Variants in RPS6KA2 observed in about 807,000 individuals in gnomAD.
RPS6KA2 encodes ribosomal protein S6 kinase A2.
Under a neutral mutation model 91.8 loss-of-function variants are expected in RPS6KA2, and 42 were observed. That is an observed-to-expected ratio of 0.46 (90% CI 0.36 to 0.59). The LOEUF is 0.59. Ranked by LOEUF, RPS6KA2 falls within the 20% of genes least tolerant of loss-of-function variation. RPS6KA2 has a pLI of 0.00. For missense variants in RPS6KA2, 798 were observed against 978.5 expected (o/e 0.82, Z 2.46); for synonymous variants, 414 against 393.6 (o/e 1.05, Z -0.61).
chr6:166,577,592 C>T (rs1359500952), intron 1 of RPS6KA2, among the ~76,000 whole-genome samples: 1 of 152,184 alleles, frequency 6.6e-6, no homozygotes, highest in Non-Finnish European at 1.5e-5. Flanking sequence ...TGGCCAATTT[C>T]TCCCCTTTGG....
intron 2 of RPS6KA2, among the ~76,000 whole-genome samples, chr6:166,772,940 A>G (rs1221785012): frequency 6.6e-6 from 1 of 152,210 alleles, no homozygotes; most frequent in Non-Finnish European, 1.5e-5. Flanking sequence ...TGACTTGGAC[A>G]TTAAATGAGG....
chr6:166,679,521 G>GAA (rs1788720545), intron 2 of RPS6KA2, among the ~76,000 whole-genome samples: 1 of 152,120 alleles, frequency 6.6e-6, no homozygotes, highest in African/African-American at 2.4e-5. Context: ...TGCAAATCTA[G>GAA]AAAACATGAG....
At chr6:166,572,799 TG>T (rs1444073112) in intron 1 of RPS6KA2, among the ~76,000 whole-genome samples, 2 of 152,238 alleles carry the variant, frequency 1.3e-5, no homozygotes, top group Non-Finnish European at 2.9e-5. Flanking sequence ...ACGGCACACG[TG>T]TCTCTACCCT....
Position 166,586,835 on chromosome 6 carries a change from GAGCCAACAGCTTTC to G in RPS6KA2, c.99+40072_99+40085del, listed in dbSNP as rs547822388. Among the ~76,000 whole-genome samples the G allele has an allele frequency of 1.5e-4, 23 of 152,342 alleles. No individual in the cohort carries two copies. In the South Asian group the frequency reaches 4.8e-3, roughly 32 times the overall value. ...TTCAGCATTACCTCCAGGGCAGAGG[GAGCCAACAGCTTTC>G]AGAAATCTCTGCTCCTGCCATAGAC... On this transcript the variant is annotated intron_variant, in intron 1 of 20. Coordinates refer to ENST00000265678, the MANE Select transcript of RPS6KA2 (RefSeq NM_021135.6).
At chr6:166,462,829 G>C (rs887720029) in intron 11 of RPS6KA2, among the ~76,000 whole-genome samples, 1 of 152,268 alleles carries the variant, frequency 6.6e-6, no homozygotes, top group African/African-American at 2.4e-5. Flanking sequence ...GGAGGCATGC[G>C]TGTGAGAGTG....
chr6:166,568,939 T>G (rs1248995038), intron 1 of RPS6KA2, among the ~76,000 whole-genome samples: 3 of 152,058 alleles, frequency 2.0e-5, no homozygotes, highest in Non-Finnish European at 2.9e-5. Flanking sequence ...CCTGATTTCA[T>G]GATTTTGAAC....
intron 1 of RPS6KA2, among the ~76,000 whole-genome samples, chr6:166,540,725 G>A (rs1583258919): frequency 1.3e-5 from 2 of 152,060 alleles, no homozygotes; most frequent in East Asian, 1.9e-4. Flanking sequence ...CTAGCCACCC[G>A]AGACTGTGCA....
At chr6:166,449,801 CG>C (rs1562500652) in intron 13 of RPS6KA2, among the ~76,000 whole-genome samples, 1 of 97,828 alleles carries the variant, frequency 1.0e-5, no homozygotes, top group African/African-American at 3.6e-5. Context: ...GGAGCCACCA[CG>C]GGGACCACCA....
chr6:166,498,986 T>G (rs1583209919), intron 7 of RPS6KA2, among the ~76,000 whole-genome samples: 1 of 149,718 alleles, frequency 6.7e-6, no homozygotes, highest in Non-Finnish European at 1.5e-5. Context: ...GGAGGTGGGG[T>G]GTTGCAGGGC....
At chr6:166,439,867 G>A (rs1278524613) in intron 14 of RPS6KA2, 1 of 152,352 alleles carries the variant, frequency 6.6e-6, no homozygotes, top group African/African-American at 2.4e-5. Flanking sequence ...TGTCACTAGA[G>A]ATAGCAATCT....
intron 2 of RPS6KA2, among the ~76,000 whole-genome samples, chr6:166,774,574 A>C (rs1315634766): frequency 1.3e-5 from 2 of 152,150 alleles, no homozygotes; most frequent in Non-Finnish European, 2.9e-5. Flanking sequence ...TCAGCCTCCC[A>C]AGCAGCCAGC....
chr6:166,732,639 G>A lies in RPS6KA2; in HGVS notation c.123+125561C>T, dbSNP rs1011461727. Among the ~76,000 whole-genome samples, 38 of 152,210 alleles carry A rather than the reference G, an allele frequency of 2.5e-4. No homozygotes were observed. The highest frequency in any genetic ancestry group is 5.3e-4 in the Non-Finnish European group (36 of 68,042). ...TCAACCAGCATCAAAGAAAGGAGCC[G>A]CCTTTGCAGGGATTGCTGTCTAGGG... On this transcript the variant is annotated intron_variant, in intron 2 of 21. Transcript: ENST00000503859. This position sits in a 1 kb window ranked among gnomAD's most constrained non-coding sequence, Gnocchi z 4.0.
In RPS6KA2 at chr6:166,442,667, C is replaced by T. The variant is rs149625227; in HGVS notation, c.1332+6057G>A. On this transcript the variant is annotated intron_variant, in intron 14 of 20. Transcript: ENST00000265678. ...GGGCAGTTTCCTCTTCATATGTGTA[C>T]TGACGTTGGTGTTTTGCAAAAGAGG... Among the ~76,000 whole-genome samples, 3 of 152,288 alleles carry T rather than the reference C, an allele frequency of 2.0e-5. No individual in the cohort carries two copies. In the East Asian group the frequency reaches 5.8e-4, roughly 29 times the overall value.
At chr6:166,461,480 G>A (rs1780287962) in intron 11 of RPS6KA2, among the ~76,000 whole-genome samples, 1 of 147,836 alleles carries the variant, frequency 6.8e-6, no homozygotes, top group East Asian at 2.0e-4. Context: ...CTGTGTGAGA[G>A]CAAGCGAGGG....
chr6:166,861,386 T>G (rs1028297307), intron 1 of RPS6KA2, among the ~76,000 whole-genome samples: 4 of 152,142 alleles, frequency 2.6e-5, no homozygotes, highest in African/African-American at 9.7e-5. Flanking sequence ...GTTAATAAAT[T>G]TGGGGAACTT....
intron 1 of RPS6KA2, among the ~76,000 whole-genome samples, chr6:166,544,385 T>C (rs561464397): frequency 1.8e-4 from 27 of 152,164 alleles, no homozygotes; most frequent in South Asian, 1.0e-3. Context: ...GAGAGCGAGC[T>C]CCATCTGCGG....
chr6:166,741,717 G>A lies in RPS6KA2; in HGVS notation c.123+116483C>T, dbSNP rs544806248. Among the ~76,000 whole-genome samples, 578 of 152,348 alleles carry A rather than the reference G, an allele frequency of 3.8e-3. 4 individuals are homozygous for A. Among genetic ancestry groups the A allele is most frequent in the African/African-American group, 0.014 (567 of 41,576 alleles). ...AGGGCCCCGCCTTCAAGGGCCAAGA[G>A]TGAGGTTAACGGAAGGGACAGAAAC... On this transcript the variant is annotated intron_variant, in intron 2 of 21. Coordinates refer to the RPS6KA2 transcript ENST00000503859.
At chr6:166,678,439 T>C (rs1231840726) in intron 2 of RPS6KA2, among the ~76,000 whole-genome samples, 1 of 152,218 alleles carries the variant, frequency 6.6e-6, no homozygotes, top group Non-Finnish European at 1.5e-5. Flanking sequence ...GCTCAAAACC[T>C]TCTTTTCGCT....
intron 2 of RPS6KA2, among the ~76,000 whole-genome samples, chr6:166,685,314 G>A (rs1352183637): frequency 6.6e-6 from 1 of 151,956 alleles, no homozygotes; most frequent in African/African-American, 2.4e-5. Flanking sequence ...GAAGGACAGA[G>A]GCCGAGGAAA....
Sources: gnomAD v4.1 joint callset for allele counts (sites outside exome capture counted in the v4.1 genomes callset) on GRCh38, gnomAD v4.1.1 for gene constraint, Gnocchi (gnomAD v3.1) non-coding constraint, MANE v1.5 for transcripts, NCBI Gene and HGNC (gene_info 2026-07-23, HGNC 2026-07-21) for gene names.